The following SGCD variants were observed in gnomAD, a reference collection of about 807,000 sequenced individuals.
The protein encoded by SGCD is sarcoglycan delta, also known as delta-sarcoglycan.
A neutral mutation model predicts 36.6 loss-of-function variants in SGCD; 18 were observed. That is an observed-to-expected ratio of 0.49 (90% CI 0.34 to 0.73). The LOEUF is 0.73. SGCD is among the 30% of genes least tolerant of loss of function. The pLI, the probability that SGCD is intolerant of heterozygous loss-of-function variation, is 0.01. For synonymous variants in SGCD, 133 were observed against 130.6 expected, an observed-to-expected ratio of 1.02 and a Z score of -0.12; for missense variants, 387 against 346.7, an observed-to-expected ratio of 1.12 and a Z score of -0.92.
At chr5:156,303,635 A>C (rs1767118526) in intron 3 of SGCD, among the ~76,000 whole-genome samples, 1 of 151,230 alleles carries the variant, frequency 6.6e-6, no homozygotes, top group South Asian at 2.1e-4. Context: ...TTAGCCACTG[A>C]GGTTCATTCA....
intron 1 of SGCD, among the ~76,000 whole-genome samples, chr5:156,081,659 G>A (rs1760956548): frequency 6.6e-6 from 1 of 152,086 alleles, no homozygotes; most frequent in Non-Finnish European, 1.5e-5. Flanking sequence ...CCCACAAAGT[G>A]CCAGGATTAC....
intron 4 of SGCD, among the ~76,000 whole-genome samples, chr5:156,558,788 AG>A (rs1262195351): frequency 6.6e-6 from 1 of 152,206 alleles, no homozygotes; most frequent in African/African-American, 2.4e-5. Flanking sequence ...TCAGCCAAGG[AG>A]TGTTGTGGGG....
At chr5:156,602,860 A>AT (rs1436383184) in intron 6 of SGCD, among the ~76,000 whole-genome samples, 2 of 152,050 alleles carry the variant, frequency 1.3e-5, no homozygotes, top group Non-Finnish European at 2.9e-5. Flanking sequence ...TTGTTGAGAA[A>AT]TTTTGTATCT....
intron 1 of SGCD, among the ~76,000 whole-genome samples, chr5:155,982,717 G>C (rs1758252671): frequency 6.6e-6 from 1 of 152,094 alleles, no homozygotes; most frequent in South Asian, 2.1e-4. Flanking sequence ...CTGAACTCTG[G>C]GCTTCCCTCT....
At chr5:156,204,467 C>T (rs1479578630) in intron 3 of SGCD, among the ~76,000 whole-genome samples, 1 of 107,676 alleles carries the variant, frequency 9.3e-6, no homozygotes, top group Non-Finnish European at 1.9e-5. Context: ...TTAGCCAACA[C>T]ACTCATACAC....
At chr5:156,060,374 G>T (rs999573982) in intron 1 of SGCD, among the ~76,000 whole-genome samples, 2 of 146,346 alleles carry the variant, frequency 1.4e-5, no homozygotes, top group Admixed American at 1.4e-4. Context: ...CCTGGAATTG[G>T]TTTTCTGGAT....
At chr5:156,526,346 A>G (rs1757640587) in intron 4 of SGCD, among the ~76,000 whole-genome samples, 1 of 152,132 alleles carries the variant, frequency 6.6e-6, no homozygotes, top group Non-Finnish European at 1.5e-5. Flanking sequence ...GCAAGGAGCA[A>G]AGTCATGTCT....
chr5:156,295,975 T>C (rs1039785114), intron 3 of SGCD, among the ~76,000 whole-genome samples: 70 of 152,316 alleles, frequency 4.6e-4, no homozygotes, highest in African/African-American at 1.6e-3. Flanking sequence ...GGGAGCCTTC[T>C]AAGACATGAA....
intron 3 of SGCD, among the ~76,000 whole-genome samples, chr5:156,478,192 C>T (rs564807982): frequency 2.0e-5 from 3 of 152,112 alleles, no homozygotes; most frequent in African/African-American, 7.2e-5. Flanking sequence ...ATTTTCATTA[C>T]TTATCTTTCT....
chr5:156,091,788 CAA>C (rs1031121950), intron 1 of SGCD, among the ~76,000 whole-genome samples: 17 of 152,222 alleles, frequency 1.1e-4, no homozygotes, highest in African/African-American at 3.9e-4. Flanking sequence ...TTTGTTCCAG[CAA>C]AGTCAATACC....
intron 2 of SGCD, among the ~76,000 whole-genome samples, chr5:156,339,503 C>A (rs1768533274): frequency 6.6e-6 from 1 of 152,124 alleles, no homozygotes; most frequent in African/African-American, 2.4e-5. Flanking sequence ...TTCATTTATT[C>A]ATTCATTGAA....
intron 3 of SGCD, among the ~76,000 whole-genome samples, chr5:156,225,830 T>G (rs571227097): frequency 6.6e-6 from 1 of 152,142 alleles, no homozygotes; most frequent in South Asian, 2.1e-4. Flanking sequence ...AAAAAAAACC[T>G]TAAAGGTTAA....
the SGCD span, among the ~76,000 whole-genome samples, chr5:155,859,404 A>G: frequency 6.6e-6 from 1 of 152,116 alleles, no homozygotes. Flanking sequence ...TACACACATT[A>G]AAATTGACCA....
chr5:156,009,201 T>C (rs1758810930), intron 1 of SGCD, among the ~76,000 whole-genome samples: 1 of 152,220 alleles, frequency 6.6e-6, no homozygotes, highest in Non-Finnish European at 1.5e-5. Flanking sequence ...AACATCACTT[T>C]AGATTTTTAC....
intron 4 of SGCD, among the ~76,000 whole-genome samples, chr5:156,571,832 G>C (rs1163184229): frequency 6.6e-6 from 1 of 152,178 alleles, no homozygotes; most frequent in Non-Finnish European, 1.5e-5. Context: ...TTATAATGTT[G>C]CACAACCATC....
chr5:156,120,560 A>G (rs1487961621), intron 2 of SGCD, among the ~76,000 whole-genome samples: 1 of 152,172 alleles, frequency 6.6e-6, no homozygotes, highest in Non-Finnish European at 1.5e-5. Flanking sequence ...CAAAGATTAT[A>G]TATTTCATAA....
chr5:156,753,921 T>G (rs1349596931), intron 7 of SGCD, among the ~76,000 whole-genome samples: 3 of 152,186 alleles, frequency 2.0e-5, no homozygotes, highest in Admixed American at 1.3e-4. Context: ...GTGGAAAGAC[T>G]AGCGTGTGAA....
At chr5:156,479,739 T>G (rs1322563643) in intron 3 of SGCD, among the ~76,000 whole-genome samples, 2 of 152,036 alleles carry the variant, frequency 1.3e-5, no homozygotes, top group African/African-American at 4.8e-5. Flanking sequence ...AGTCTTGGAG[T>G]GATTTCTTTC....
At chr5:155,824,398 T>C in the SGCD span, among the ~76,000 whole-genome samples, 2 of 152,204 alleles carry the variant, frequency 1.3e-5, no homozygotes, top group African/African-American at 4.8e-5. Context: ...GATACTATTA[T>C]TATTGTCATT....
Sources: gnomAD v4.1 joint callset for allele counts (sites outside exome capture counted in the v4.1 genomes callset) on GRCh38, gnomAD v4.1.1 for gene constraint, MANE v1.5 for transcripts, NCBI Gene and HGNC (gene_info 2026-07-23, HGNC 2026-07-21) for gene names.